Variants in CMIP observed in about 807,000 individuals in gnomAD.
CMIP encodes C-Maf-inducing protein.
CMIP carries 13 observed loss-of-function variants against 97.3 expected under a neutral mutation model. The observed-to-expected ratio is 0.13, with a 90% confidence interval of 0.09 to 0.21. The LOEUF is 0.21. Ranked by LOEUF, CMIP falls within the 10% of genes least tolerant of loss-of-function variation. The pLI is 1.00. For synonymous variants in CMIP, 538 were observed against 436.3 expected (o/e 1.23, Z -2.91); for missense variants, 847 against 1,024.9 (o/e 0.83, Z 2.37).
At position 81,621,122 on chromosome 16, in the gene CMIP, G is replaced by A; in HGVS notation, c.477+196G>A. ...TTCAATTCCTGTCCCCTGCAGTGCT[G>A]AAATAGCATTCTCGCCCTGGTGTTC... On this transcript the variant is annotated intron_variant, in intron 3 of 20. Coordinates refer to ENST00000537098, the MANE Select transcript of CMIP (RefSeq NM_198390.3). This position sits in a 1 kb window ranked among gnomAD's most constrained non-coding sequence, Gnocchi z 4.1. 2 of 577,926 alleles carry A rather than the reference G, an allele frequency of 3.5e-6. No individual in the cohort carries two copies. The highest frequency in any genetic ancestry group is 3.0e-5 in the East Asian group (1 of 33,198). The allele number at this position is 577,926 out of a possible 1,614,324, so 35.8% of individuals were successfully genotyped here.
intron 10 of CMIP, among the ~76,000 whole-genome samples, chr16:81,688,081 G>A (rs1193427762): frequency 6.6e-6 from 1 of 152,160 alleles, no homozygotes; most frequent in Non-Finnish European, 1.5e-5. Flanking sequence ...TCGGTTGTGG[G>A]ACAGTGGTCT....
chr16:81,678,125 GC>G (rs1449834134), intron 9 of CMIP, 149 bp from the exon 10 acceptor site: 3 of 663,814 alleles, frequency 4.5e-6, no homozygotes, highest in Non-Finnish European at 7.6e-6. Flanking sequence ...CCCAGGCTGA[GC>G]CTCAGTTTCC....
intron 1 of CMIP, among the ~76,000 whole-genome samples, chr16:81,549,555 G>A (rs918141272): frequency 6.6e-6 from 1 of 152,166 alleles, no homozygotes; most frequent in Admixed American, 6.5e-5. Context: ...GGCGGGGGGC[G>A]GAGGATATTG....
intron 15 of CMIP, among the ~76,000 whole-genome samples, chr16:81,700,741 G>T (rs908897384): frequency 6.6e-6 from 1 of 152,210 alleles, no homozygotes; most frequent in Non-Finnish European, 1.5e-5. Flanking sequence ...GGGACATCCC[G>T]GGCGGAGGCT....
intron 1 of CMIP, among the ~76,000 whole-genome samples, chr16:81,483,029 A>G (rs2966085): frequency 0.7 from 106,849 of 152,226 alleles, 37,910 homozygotes; most frequent in East Asian, 0.87. Flanking sequence ...ACTGGAGGAG[A>G]GGAAAATGAA....
At chr16:81,560,510 G>A (rs184563271) in intron 1 of CMIP, among the ~76,000 whole-genome samples, 30 of 152,116 alleles carry the variant, frequency 2.0e-4, no homozygotes, top group African/African-American at 6.3e-4. Context: ...GAGCCACTGC[G>A]CCCAGCCAGA....
At chr16:81,463,017 A>G (rs1215072183) in intron 1 of CMIP, among the ~76,000 whole-genome samples, 1 of 152,108 alleles carries the variant, frequency 6.6e-6, no homozygotes, top group African/African-American at 2.4e-5. Flanking sequence ...GGAATTTGGG[A>G]AGTATGGATC....
chr16:81,687,101 T>TG (rs1049256393), intron 10 of CMIP, among the ~76,000 whole-genome samples: 2 of 152,188 alleles, frequency 1.3e-5, no homozygotes, highest in Admixed American at 6.5e-5. Flanking sequence ...GTCCCCCAGA[T>TG]GGAGACTCAA....
Position 81,621,010 on chromosome 16 carries a change from A to C in CMIP, c.477+84A>C. On this transcript the variant is annotated intron_variant, in intron 3 of 20. Transcript: ENST00000537098. This position sits in a 1 kb window ranked among gnomAD's most constrained non-coding sequence, Gnocchi z 4.1. ...AGCCAATCTGTCACCCAGAGGCATGAAAGTGGAGAACTCATGCCTTCCAGA... is the reference window on the plus strand; with the variant it reads ...AGCCAATCTGTCACCCAGAGGCATGCAAGTGGAGAACTCATGCCTTCCAGA... The C allele has an allele frequency of 6.4e-7, 1 of 1,555,230 alleles. No homozygotes were observed. Among genetic ancestry groups the C allele is most frequent in the Non-Finnish European group, 8.8e-7 (1 of 1,133,140 alleles).
chr16:81,691,291 T>C (rs1906036584), intron 10 of CMIP, among the ~76,000 whole-genome samples: 1 of 152,234 alleles, frequency 6.6e-6, no homozygotes, highest in African/African-American at 2.4e-5. Context: ...GGCTGGTCTT[T>C]GCTCTGCGTG....
chr16:81,561,325 G>A (rs539537792), intron 1 of CMIP, among the ~76,000 whole-genome samples: 1 of 152,310 alleles, frequency 6.6e-6, no homozygotes, highest in South Asian at 2.1e-4. Context: ...GGGATCTGAG[G>A]TGCAAAGGAC....
rs372634544 is a variant in CMIP at position 81,607,570 on chromosome 16, A to T, written c.304A>T (p.Thr102Ser). The change falls in exon 2 of 21, where the codon ACT becomes TCT. Residue 102 changes from threonine (T) to serine (S), a missense_variant. Physicochemically the swap from Thr to Ser is moderately conservative, Grantham distance 58. Transcript: ENST00000537098. ...ADNSLASATP[T>S]GYMENSVSYS... ...TCTTTTTCTTTTTTTGCTGCAGCCAACTGGGTACATGGAAAACTCAGTCTC... is the reference window on the plus strand; with the variant it reads ...TCTTTTTCTTTTTTTGCTGCAGCCATCTGGGTACATGGAAAACTCAGTCTC... The T allele has an allele frequency of 1.2e-6, 2 of 1,613,834 alleles. No homozygotes were observed. Among genetic ancestry groups the T allele is most frequent in the Non-Finnish European group, 1.7e-6 (2 of 1,179,872 alleles).
rs1029963639 is a variant in CMIP, at chr16:81,614,650, GGTGT to G, written c.427-6219_427-6216del. On this transcript the variant is annotated intron_variant, in intron 2 of 20. Coordinates refer to ENST00000537098, the MANE Select transcript of CMIP (RefSeq NM_198390.3). This position sits in a 1 kb window ranked among gnomAD's most constrained non-coding sequence, Gnocchi z 5.3. ...TGCACAGTCCTGCGTGTGGGACTGT[GGTGT>G]GTGTGTATGTATGTCTGTATGGTTT... Among the ~76,000 whole-genome samples, 1 of 151,912 alleles carries G rather than the reference GGTGT, an allele frequency of 6.6e-6. No homozygotes were observed. The highest frequency in any genetic ancestry group is 1.5e-5 in the Non-Finnish European group (1 of 67,992).
intron 1 of CMIP, among the ~76,000 whole-genome samples, chr16:81,580,936 C>G (rs868332374): frequency 1.3e-5 from 2 of 152,232 alleles, no homozygotes; most frequent in East Asian, 3.9e-4. Flanking sequence ...ATTCCCCATT[C>G]CCCTCTCTTC....
intron 1 of CMIP, among the ~76,000 whole-genome samples, chr16:81,600,059 T>C (rs1408992939): frequency 6.6e-6 from 1 of 151,866 alleles, no homozygotes; most frequent in Non-Finnish European, 1.5e-5. Flanking sequence ...GGTGGGTGGA[T>C]CACAAGGTCA....
chr16:81,561,409 A>G (rs1018360310), intron 1 of CMIP, among the ~76,000 whole-genome samples: 1 of 152,194 alleles, frequency 6.6e-6, no homozygotes, highest in Non-Finnish European at 1.5e-5. Context: ...CTATGCAGAC[A>G]CTTAGCAGAT....
chr16:81,667,799 AGTGTGTGTGTGTGT>A (rs71146027), intron 7 of CMIP, among the ~76,000 whole-genome samples: 1 of 58,096 alleles, frequency 1.7e-5, no homozygotes, highest in African/African-American at 7.0e-5. Context: ...AGAGAGAGAG[AGTGTGTGTGTGTGT>A]GTGTGTGTGT....
At chr16:81,531,086 CT>C (rs2090225764) in intron 1 of CMIP, among the ~76,000 whole-genome samples, 2 of 152,164 alleles carry the variant, frequency 1.3e-5, no homozygotes, top group Non-Finnish European at 2.9e-5. Context: ...GAAATAGGGA[CT>C]TTGCAGATGC....
intron 1 of CMIP, among the ~76,000 whole-genome samples, chr16:81,581,749 G>C (rs2091299379): frequency 6.6e-6 from 1 of 152,160 alleles, no homozygotes; most frequent in Non-Finnish European, 1.5e-5. Flanking sequence ...CAGGGCAAGG[G>C]AACCACTTCC....
Sources: allele counts gnomAD v4.1 joint callset (sites outside exome capture counted in the v4.1 genomes callset), GRCh38; gene constraint gnomAD v4.1.1; non-coding constraint Gnocchi (gnomAD v3.1); transcripts MANE v1.5; gene names NCBI Gene and HGNC (gene_info 2026-07-23, HGNC 2026-07-21).